PLCH1: variants seen among roughly 807,000 people sequenced by gnomAD.
PLCH1 encodes phospholipase C eta 1, also known as 1-phosphatidylinositol 4,5-bisphosphate phosphodiesterase eta-1.
PLCH1 carries 60 observed loss-of-function variants against 126.7 expected under a neutral mutation model. That is an observed-to-expected ratio of 0.47 (90% CI 0.38 to 0.59). The LOEUF is 0.59. Among genes scored for constraint, PLCH1 ranks in the 20% least tolerant of loss-of-function variants. PLCH1 has a pLI of 0.00. For synonymous variants in PLCH1, 719 were observed against 734.9 expected (o/e 0.98, Z 0.35); for missense variants, 1,723 against 2,040.0 (o/e 0.84, Z 2.99).
chr3:155,546,521 A>C (rs1018407390), intron 10 of PLCH1, among the ~76,000 whole-genome samples: 1 of 152,214 alleles, frequency 6.6e-6, no homozygotes, highest in Non-Finnish European at 1.5e-5. Flanking sequence ...CTTTCTTCAC[A>C]GAATTGGAAA....
chr3:155,685,088 G>A (rs1429447400), intron 2 of PLCH1, among the ~76,000 whole-genome samples: 1 of 152,148 alleles, frequency 6.6e-6, no homozygotes, highest in Non-Finnish European at 1.5e-5. Flanking sequence ...TGAGTACCAG[G>A]AAGGCCTGAG....
chr3:155,730,774 T>C (rs1293016443), intron 1 of PLCH1, among the ~76,000 whole-genome samples: 1 of 152,048 alleles, frequency 6.6e-6, no homozygotes, highest in Non-Finnish European at 1.5e-5. Context: ...AGAAACCACA[T>C]TGAAAAGGGT....
chr3:155,651,876 A>T (rs570045816), intron 2 of PLCH1, among the ~76,000 whole-genome samples: 1 of 152,326 alleles, frequency 6.6e-6, no homozygotes, highest in Admixed American at 6.5e-5. Context: ...CTTACCCAGG[A>T]TAAACTAAAA....
At chr3:155,576,278 G>GTA (rs1729940645) in intron 6 of PLCH1, among the ~76,000 whole-genome samples, 1 of 152,174 alleles carries the variant, frequency 6.6e-6, no homozygotes, top group African/African-American at 2.4e-5. Context: ...ATCAACTCTA[G>GTA]TAAATACTTC....
chr3:155,742,632 T>C (rs1247526541), intron 1 of PLCH1: 1 of 152,216 alleles, frequency 6.6e-6, no homozygotes, highest in Non-Finnish European at 1.5e-5. Flanking sequence ...AGCCACCAAA[T>C]AGGGTCACAA....
At chr3:155,620,725 G>A (rs1736369537) in intron 2 of PLCH1, among the ~76,000 whole-genome samples, 1 of 152,154 alleles carries the variant, frequency 6.6e-6, no homozygotes. Context: ...CTCCTCTCTG[G>A]GCAGGCCATC....
chr3:155,655,352 G>T (rs1406987867), intron 2 of PLCH1, among the ~76,000 whole-genome samples: 1 of 151,876 alleles, frequency 6.6e-6, no homozygotes. Flanking sequence ...GATCATTCAA[G>T]CCCAGGAGGT....
chr3:155,500,636 T>C, intron 14 of PLCH1, 67 bp downstream of exon 14: 5 of 939,682 alleles, frequency 5.3e-6, no homozygotes, highest in Admixed American at 2.0e-5. Context: ...ACAAGAAAAA[T>C]GACTAAGCTG....
intron 6 of PLCH1, among the ~76,000 whole-genome samples, chr3:155,581,891 A>G (rs1477541311): frequency 6.6e-6 from 1 of 151,400 alleles, no homozygotes; most frequent in Non-Finnish European, 1.5e-5. Flanking sequence ...CTGGGATTAT[A>G]GGCATGTGCC....
chr3:155,732,387 A>T (rs990461393), intron 1 of PLCH1, among the ~76,000 whole-genome samples: 1 of 152,054 alleles, frequency 6.6e-6, no homozygotes, highest in East Asian at 1.9e-4. Context: ...ACTAGATACA[A>T]TTAGAACTAA....
Position 155,730,260 on chromosome 3 carries a change from A to G in PLCH1, c.-41+14580T>C, listed in dbSNP as rs1407465570. On this transcript the variant is annotated intron_variant, in intron 1 of 22. Transcript: ENST00000460012. ...TTTGTTCATAAGAATTCTCAAGCTC[A>G]AAAGAGCATCAAAAATGATTAGTTT... 3.9e-5 allele frequency among the ~76,000 whole-genome samples: 6 copies of G among 151,978 alleles called. No individual in the cohort carries two copies. In the East Asian group the frequency reaches 1.2e-3, roughly 29 times the overall value.
intron 2 of PLCH1, among the ~76,000 whole-genome samples, chr3:155,659,779 G>A (rs1471552970): frequency 6.6e-6 from 1 of 152,106 alleles, no homozygotes; most frequent in East Asian, 1.9e-4. Context: ...GATTACAGGT[G>A]TGAGCCACTG....
Position 155,488,017 on chromosome 3 carries a change from A to C in PLCH1, c.2619+11T>G. 2 of 1,474,800 alleles carry C rather than the reference A, an allele frequency of 1.4e-6. No individual in the cohort carries two copies. The highest frequency in any genetic ancestry group is 1.9e-6 in the Non-Finnish European group (2 of 1,052,906). The allele number at this position is 1,474,800 out of a possible 1,614,324, so 91.4% of individuals were successfully genotyped here. ...AATGTATATGACTTTAAATCCTATG[A>C]TCTTTCTCACCTTTCCATAGATTTC... On this transcript the variant is annotated intron_variant, in intron 21 of 22. Transcript: ENST00000460012.
chr3:155,472,340 A>C (rs898285720), intron 21 of PLCH1, among the ~76,000 whole-genome samples: 3 of 152,230 alleles, frequency 2.0e-5, no homozygotes, highest in Non-Finnish European at 4.4e-5. Context: ...GACATGGATA[A>C]ATTCCTCGAC....
At chr3:155,736,673 G>A (rs1187409064) in intron 1 of PLCH1, among the ~76,000 whole-genome samples, 4 of 152,108 alleles carry the variant, frequency 2.6e-5, no homozygotes, top group Admixed American at 6.6e-5. Context: ...CCCTGTTATC[G>A]AAATCCAGAA....
intron 2 of PLCH1, among the ~76,000 whole-genome samples, chr3:155,608,110 C>G (rs1215666163): frequency 1.3e-5 from 2 of 152,054 alleles, no homozygotes; most frequent in Admixed American, 6.5e-5. Context: ...TTTAGGGAGC[C>G]AAGTGAAATA....
chr3:155,728,423 C>A (rs1253747258), intron 1 of PLCH1, among the ~76,000 whole-genome samples: 3 of 152,160 alleles, frequency 2.0e-5, no homozygotes, highest in African/African-American at 7.2e-5. Flanking sequence ...GTCCTTTCGA[C>A]TATCCAAAGG....
intron 13 of PLCH1, among the ~76,000 whole-genome samples, chr3:155,503,338 G>A (rs560272779): frequency 3.9e-5 from 6 of 152,034 alleles, no homozygotes; most frequent in Non-Finnish European, 7.4e-5. Context: ...ACTCTCTTGG[G>A]TCTGGTTTAT....
chr3:155,740,761 A>G (rs1749565076), intron 1 of PLCH1, among the ~76,000 whole-genome samples: 1 of 152,216 alleles, frequency 6.6e-6, no homozygotes, highest in Admixed American at 6.5e-5. Flanking sequence ...CCTGAAAACA[A>G]CAAGATCATT....
Sources: allele counts gnomAD v4.1 joint callset (sites outside exome capture counted in the v4.1 genomes callset), GRCh38; gene constraint gnomAD v4.1.1; transcripts MANE v1.5; gene names NCBI Gene and HGNC (gene_info 2026-07-23, HGNC 2026-07-21).